HECTD2: variants seen among roughly 807,000 people sequenced by gnomAD.
HECTD2 encodes probable E3 ubiquitin-protein ligase HECTD2.
HECTD2 carries 35 observed loss-of-function variants against 103.2 expected under a neutral mutation model. The observed-to-expected ratio is 0.34, with a 90% CI of 0.26 to 0.45. The LOEUF (loss-of-function observed/expected upper bound fraction) is 0.45. Ranked by LOEUF, HECTD2 falls within the 20% of genes least tolerant of loss-of-function variation. The probability of loss-of-function intolerance (pLI) is 1.00; values close to 1 mark genes in which losing one functional copy is unlikely to be tolerated. For missense variants in HECTD2, 596 were observed against 937.4 expected (o/e 0.64, Z 4.76); for synonymous variants, 281 against 329.9 (o/e 0.85, Z 1.61).
chr10:91,483,353 G>C (rs1237994448), intron 8 of HECTD2, among the ~76,000 whole-genome samples: 1 of 151,660 alleles, frequency 6.6e-6, no homozygotes, highest in South Asian at 2.1e-4. Flanking sequence ...TCCTATTATT[G>C]GTTTTTTACG....
rs568449968 is a variant in HECTD2 at position 91,439,895 on chromosome 10, G to A, written c.268+14485G>A. Among the ~76,000 whole-genome samples, 5 of 151,946 alleles carry A rather than the reference G, an allele frequency of 3.3e-5. No individual in the cohort carries two copies. In the East Asian group the frequency reaches 9.7e-4, roughly 29 times the overall value. On this transcript the variant is annotated intron_variant, in intron 2 of 20. Transcript: ENST00000298068. Reference sequence around the variant, plus strand: ...TTGGCTCTCTGTTTGTCTATATTTGGTGTATAGGAATGCTTGTGATTTTTG... The same window carrying A: ...TTGGCTCTCTGTTTGTCTATATTTGATGTATAGGAATGCTTGTGATTTTTG...
At chr10:91,480,425 G>T (rs1219024107) in intron 6 of HECTD2, among the ~76,000 whole-genome samples, 1 of 151,962 alleles carries the variant, frequency 6.6e-6, no homozygotes, top group Non-Finnish European at 1.5e-5. Flanking sequence ...GACCCAGTTA[G>T]GAATCATGAA....
At chr10:91,465,453 C>G (rs1393904175) in intron 5 of HECTD2, among the ~76,000 whole-genome samples, 1 of 151,792 alleles carries the variant, frequency 6.6e-6, no homozygotes, top group Non-Finnish European at 1.5e-5. Flanking sequence ...ACTAAAAGAA[C>G]CACAGCTCCC....
intron 2 of HECTD2, among the ~76,000 whole-genome samples, chr10:91,427,252 G>A (rs1843607774): frequency 6.6e-6 from 1 of 151,802 alleles, no homozygotes; most frequent in Admixed American, 6.6e-5. Context: ...GTCTATCATT[G>A]TTGGACATTT....
At chr10:91,409,448 A>G (rs1233176561), upstream of HECTD2, 7 of 152,458 alleles carry the variant, frequency 4.6e-5, no homozygotes, top group Admixed American at 3.9e-4. Flanking sequence ...CATAAACGGA[A>G]AGGAACAAGG....
At chr10:91,412,428 A>T (rs947460151) in intron 1 of HECTD2, among the ~76,000 whole-genome samples, 2 of 151,614 alleles carry the variant, frequency 1.3e-5, no homozygotes, top group African/African-American at 4.9e-5. Flanking sequence ...ATAGAAGAGG[A>T]TAAGGATAAA....
intron 10 of HECTD2, chr10:91,485,807 T>C (rs1465218551): frequency 6.6e-6 from 1 of 152,540 alleles, no homozygotes; most frequent in African/African-American, 2.4e-5. Context: ...ATCTAATATA[T>C]TGATCACACA....
At chr10:91,426,060 A>G (rs1017031435) in intron 2 of HECTD2, among the ~76,000 whole-genome samples, 4 of 152,088 alleles carry the variant, frequency 2.6e-5, no homozygotes, top group African/African-American at 9.6e-5. Context: ...CCCACAATAC[A>G]TTGTAAAATG....
intron 5 of HECTD2, among the ~76,000 whole-genome samples, chr10:91,468,274 A>C (rs780116507): frequency 1.2e-4 from 19 of 152,330 alleles, no homozygotes; most frequent in Admixed American, 8.5e-4. Flanking sequence ...GAGTTAGAGC[A>C]TGCAGCCCAG....
intron 4 of HECTD2, 47 bp from the exon 5 acceptor site, chr10:91,462,048 A>T: frequency 7.5e-7 from 1 of 1,339,914 alleles, no homozygotes; most frequent in Non-Finnish European, 1.1e-6. Context: ...TACTAAGAAT[A>T]GTCTTTAAAA....
intron 5 of HECTD2, among the ~76,000 whole-genome samples, chr10:91,467,921 T>A (rs1260009691): frequency 1.3e-5 from 2 of 148,554 alleles, no homozygotes; most frequent in Non-Finnish European, 3.0e-5. Context: ...CAAATGCATG[T>A]GCACAGAGTC....
chr10:91,443,946 T>C lies in HECTD2; in HGVS notation c.269-16481T>C, dbSNP rs1003003120. On this transcript the variant is annotated intron_variant, in intron 2 of 20. Transcript: ENST00000298068. ...GGTTCAATTTACAAATAAGTAAAAT[T>C]AGGTATCTCCACAAATGGCTTCTTA... 5.9e-5 allele frequency among the ~76,000 whole-genome samples: 9 copies of C among 152,178 alleles called. 1 individual carries two copies. Among genetic ancestry groups the C allele is most frequent in the African/African-American group, 1.7e-4 (7 of 41,444 alleles).
At chr10:91,488,340 A>T (rs1846341052) in intron 11 of HECTD2, 1 of 152,886 alleles carries the variant, frequency 6.5e-6, no homozygotes, top group African/African-American at 2.4e-5. Context: ...AGTTTAGGCA[A>T]ATTGTAGAGC....
intron 5 of HECTD2, among the ~76,000 whole-genome samples, chr10:91,467,490 C>T (rs1210174364): frequency 6.6e-6 from 1 of 152,124 alleles, no homozygotes. Context: ...TGGCCTCTCC[C>T]AGGGCCTCAG....
rs531837436 is a variant in HECTD2, at chr10:91,469,991, T to C, written c.600+7807T>C. ...AAAAGACAAGAGCATTACATAATGG[T>C]ATAGAGTTCAGTTCAACAAGAAGAC... On this transcript the variant is annotated intron_variant, in intron 5 of 20. Coordinates refer to ENST00000298068, the MANE Select transcript of HECTD2 (RefSeq NM_182765.6). Among the ~76,000 whole-genome samples the C allele has an allele frequency of 1.3e-3, 194 of 152,216 alleles. 3 individuals are homozygous for C. The highest frequency in any genetic ancestry group is 6.8e-3 in the Middle Eastern group (2 of 294).
chr10:91,437,062 G>A (rs763737968), intron 2 of HECTD2, among the ~76,000 whole-genome samples: 3 of 151,994 alleles, frequency 2.0e-5, no homozygotes, highest in East Asian at 3.9e-4. Context: ...GAGAGATTAC[G>A]TGATTTCTGT....
At chr10:91,478,942 G>A (rs1845998779) in intron 6 of HECTD2, among the ~76,000 whole-genome samples, 1 of 151,980 alleles carries the variant, frequency 6.6e-6, no homozygotes, top group South Asian at 2.1e-4. Flanking sequence ...TATTTTAATT[G>A]TTCTGATTTT....
At chr10:91,420,876 T>G (rs1353456020) in intron 1 of HECTD2, among the ~76,000 whole-genome samples, 1 of 152,190 alleles carries the variant, frequency 6.6e-6, no homozygotes, top group Non-Finnish European at 1.5e-5. Context: ...GCCCCTTAGT[T>G]GAGTGCCTAC....
In HECTD2 at chr10:91,512,654, C is replaced by T; in HGVS notation, c.*270C>T. 3.1e-6 allele frequency: 1 copy of T among 327,818 alleles called. No homozygotes were observed. The highest frequency in any genetic ancestry group is 5.7e-6 in the Non-Finnish European group (1 of 176,622). 20.3% of individuals were successfully genotyped at this position (327,818 alleles called of 1,614,324 possible). A position where few individuals can be genotyped will look rare whatever the true frequency, so the allele number is the denominator to read the frequency against. On this transcript the variant is annotated 3_prime_UTR_variant, in exon 21 of 21. Transcript: ENST00000298068. ...TTTTATATAGCACTTTATCATTCTC[C>T]ACAAGTAGTTTGTCACAGGCATTCC...
Sources: allele counts gnomAD v4.1 joint callset (sites outside exome capture counted in the v4.1 genomes callset), GRCh38; gene constraint gnomAD v4.1.1; transcripts MANE v1.5; gene names NCBI Gene and HGNC (gene_info 2026-07-23, HGNC 2026-07-21).